SPG11: variants seen among roughly 807,000 people sequenced by gnomAD.
The protein encoded by SPG11 is spatacsin.
A neutral mutation model predicts 274.0 loss-of-function variants in SPG11; 222 were observed. That is an observed-to-expected ratio of 0.81 (90% CI 0.73 to 0.91). SPG11 has a LOEUF of 0.91. Among genes scored for constraint, SPG11 ranks in the 40% least tolerant of loss-of-function variants. The probability of loss-of-function intolerance (pLI) is 0.00; values close to 1 mark genes in which losing one functional copy is unlikely to be tolerated. For synonymous variants in SPG11, 1,144 were observed against 1,039.7 expected, an observed-to-expected ratio of 1.10 and a Z score of -1.93; for missense variants, 3,114 against 2,872.7, an observed-to-expected ratio of 1.08 and a Z score of -1.92.
At chr15:44,628,321 T>C (rs1402435033) in intron 10 of SPG11, among the ~76,000 whole-genome samples, 1 of 152,218 alleles carries the variant, frequency 6.6e-6, no homozygotes. Flanking sequence ...ATTCAATTTA[T>C]CCAGTCAGGC....
At chr15:44,650,540 G>A (rs2084737436) in intron 6 of SPG11, among the ~76,000 whole-genome samples, 1 of 151,216 alleles carries the variant, frequency 6.6e-6, no homozygotes. Context: ...TGTGGTCCCA[G>A]CTACTCTGGA....
At chr15:44,573,438 C>T in intron 32 of SPG11, 109 bp downstream of exon 32, 2 of 1,202,724 alleles carry the variant, frequency 1.7e-6, no homozygotes, top group Non-Finnish European at 2.4e-6. Context: ...AATCCAGAAA[C>T]TTGAGAGAAC....
chr15:44,622,230 AC>A lies in SPG11; in HGVS notation c.2433del (p.Gln811HisfsTer8). On this transcript the variant is annotated frameshift_variant, in exon 13 of 40. Transcript: ENST00000261866. LOFTEE classifies it high-confidence loss of function. ...GACTAATGAGACTACCTGGGAAATG[AC>A]TGGATTTGCATATTTTCTTGGAAAT... is the stretch of plus-strand genomic sequence containing the variant. Reference protein sequence around the residue: ...LGHFQENMQIQSFPRYWIKEQ... With the variant: ...LGHFQENMQIXSFPRYWIKEQ... 6.2e-7 allele frequency: 1 copy of A among 1,612,476 alleles called. No homozygotes were observed. The highest frequency in any genetic ancestry group is 8.5e-7 in the Non-Finnish European group (1 of 1,178,700).
intron 26 of SPG11, among the ~76,000 whole-genome samples, chr15:44,593,915 G>C (rs553733405): frequency 1.6e-4 from 24 of 150,612 alleles, no homozygotes; most frequent in African/African-American, 4.6e-4. Context: ...TGCCACGCCC[G>C]GCTTTTTTCT....
At chr15:44,586,579 G>A (rs2082769731) in intron 28 of SPG11, among the ~76,000 whole-genome samples, 2 of 152,126 alleles carry the variant, frequency 1.3e-5, no homozygotes. Context: ...GGGAGGCGGA[G>A]GTTGAAGTGA....
At chr15:44,658,579 C>T (rs1215337638) in intron 3 of SPG11, among the ~76,000 whole-genome samples, 3 of 152,020 alleles carry the variant, frequency 2.0e-5, no homozygotes, top group Non-Finnish European at 4.4e-5. Flanking sequence ...CTGCCTCAGC[C>T]TCCCGAGTAG....
intron 20 of SPG11, chr15:44,604,104 C>T (rs192731066): frequency 9.1e-5 from 39 of 428,154 alleles, no homozygotes; most frequent in African/African-American, 7.7e-4. Context: ...AAACAGTGTA[C>T]CTGCTCTTGT....
intron 7 of SPG11, among the ~76,000 whole-genome samples, chr15:44,643,269 G>C (rs575148238): frequency 4.3e-4 from 65 of 152,150 alleles, no homozygotes; most frequent in Non-Finnish European, 6.3e-4. Context: ...GGGGCTAACA[G>C]TATTAATAAT....
rs3759871 is a variant in SPG11 at position 44,651,559 on chromosome 15, A to G, written c.1388T>C (p.Phe463Ser). The change falls in exon 6 of 40, where the codon TTT becomes TCT. Residue 463 changes from phenylalanine to serine, a missense_variant. Phe to Ser is a radical substitution (Grantham distance 155). Coordinates refer to ENST00000261866, the MANE Select transcript of SPG11 (RefSeq NM_025137.4). The stretch of plus-strand genomic sequence containing the variant: ...AGGAATACACTTTGTGCCAAGGGAA[A>G]AACACTGCATGCCCTGGGTCTCCAA... The part of the protein sequence containing the change: ...WDLETQGMQC[F>S]SLGTKCIPVD... The G allele has an allele frequency of 0.45, 732,577 of 1,613,660 alleles. 167,750 individuals carry two copies. The highest frequency in any genetic ancestry group is 0.56 in the Admixed American group (33,735 of 59,996).
rs1595927304 is a variant in SPG11 at position 44,651,700 on chromosome 15, A to G, written c.1247T>C (p.Met416Thr). 1.9e-6 allele frequency: 3 copies of G among 1,614,218 alleles called. No individual in the cohort carries two copies. Among genetic ancestry groups the G allele is most frequent in the Non-Finnish European group, 2.5e-6 (3 of 1,180,034 alleles). Residue 416 changes from methionine (M) to threonine (T), a missense_variant, in exon 6 of 40, where the codon ATG becomes ACG. By Grantham distance (81) the Met-to-Thr change is moderately conservative. Coordinates refer to ENST00000261866, the MANE Select transcript of SPG11 (RefSeq NM_025137.4). ...TSDPGRSWKI[M>T]HISEQEEPIE... ...GGGTTCCTCTTGTTCACTGATGTGC[A>G]TTATTTTCCATGATCTTCCTGGATC...
chr15:44,600,422 G>A (rs1459172879), intron 21 of SPG11, 45 bp downstream of exon 21: 2 of 1,596,850 alleles, frequency 1.3e-6, no homozygotes, highest in Non-Finnish European at 1.7e-6. Flanking sequence ...GGGATTACAG[G>A]TGTGAACCAC....
intron 33 of SPG11, among the ~76,000 whole-genome samples, chr15:44,571,146 CTG>C (rs149612286): frequency 0.015 from 2,255 of 152,244 alleles, 57 homozygotes; most frequent in East Asian, 0.097. Flanking sequence ...AAAAGGCAAA[CTG>C]GGAAAAACAC....
At chr15:44,610,629 C>T (rs914439749) in intron 18 of SPG11, among the ~76,000 whole-genome samples, 2 of 151,122 alleles carry the variant, frequency 1.3e-5, no homozygotes, top group African/African-American at 4.9e-5. Context: ...CCGCCTGCCT[C>T]GGCCTCCCAA....
intron 1 of SPG11, among the ~76,000 whole-genome samples, chr15:44,661,978 G>C (rs1227918362): frequency 6.6e-6 from 1 of 152,026 alleles, no homozygotes; most frequent in African/African-American, 2.4e-5. Context: ...TCATGAACTA[G>C]CATATGAACG....
intron 10 of SPG11, 74 bp from the exon 11 acceptor site, chr15:44,626,581 C>A (rs983814620): frequency 6.9e-7 from 1 of 1,451,718 alleles, no homozygotes; most frequent in African/African-American, 1.4e-5. Flanking sequence ...TGGGATTATA[C>A]ATTTATGTAA....
intron 6 of SPG11, 116 bp downstream of exon 6, chr15:44,651,375 T>C: frequency 6.7e-6 from 6 of 890,618 alleles, no homozygotes; most frequent in Non-Finnish European, 1.1e-5. Context: ...AAACTTCCTC[T>C]ATAAACAATT....
chr15:44,563,873 TG>T lies in SPG11; in HGVS notation c.7152-573del, dbSNP rs2082251791. On this transcript the variant is annotated intron_variant, in intron 39 of 39. Transcript: ENST00000261866. ...CTATAGAGGAGAGGGTGCTGGAGTCTGGGTTATCTCAGACTAGTATTAGGGG... is the reference window on the plus strand; with the variant it reads ...CTATAGAGGAGAGGGTGCTGGAGTCTGGTTATCTCAGACTAGTATTAGGGG... Among the ~76,000 whole-genome samples, 2 of 152,250 alleles carry T rather than the reference TG, an allele frequency of 1.3e-5. 1 individual carries two copies. The highest frequency in any genetic ancestry group is 4.8e-5 in the African/African-American group (2 of 41,468).
chr15:44,657,282 C>A lies in SPG11; in HGVS notation c.682G>T (p.Val228Leu). 1 of 1,614,166 alleles carries A rather than the reference C, an allele frequency of 6.2e-7. No individual in the cohort carries two copies. The highest frequency in any genetic ancestry group is 2.2e-5 in the East Asian group (1 of 44,886). ...SLGWIYIFDVVDGTYVAHVDL... is the reference protein window; with the variant it reads ...SLGWIYIFDVLDGTYVAHVDL... The stretch of plus-strand genomic sequence containing the variant: ...ACATGAGCTACATATGTACCATCCA[C>A]AACATCAAAAATGTCTTTTAGTTAG... The change falls in exon 4 of 40, where the codon GTG becomes TTG. Residue 228 changes from valine to leucine, a missense_variant. Coordinates refer to ENST00000261866, the MANE Select transcript of SPG11 (RefSeq NM_025137.4).
chr15:44,609,388 C>CAA (rs1351275844), intron 18 of SPG11, among the ~76,000 whole-genome samples: 1 of 152,050 alleles, frequency 6.6e-6, no homozygotes, highest in East Asian at 1.9e-4. Flanking sequence ...CTCACCCTCC[C>CAA]AACGTGCTGG....
Sources: gnomAD v4.1 joint callset for allele counts (sites outside exome capture counted in the v4.1 genomes callset) on GRCh38, gnomAD v4.1.1 for gene constraint, MANE v1.5 for transcripts, NCBI Gene and HGNC (gene_info 2026-07-23, HGNC 2026-07-21) for gene names.